Variants in LTA4H observed in about 807,000 individuals in gnomAD.
LTA4H encodes leukotriene A-4 hydrolase.
LTA4H carries 59 observed loss-of-function variants against 89.8 expected under a neutral mutation model. The ratio of observed to expected loss-of-function variants is 0.66; its 90% CI spans 0.53 to 0.82. LTA4H has a LOEUF of 0.82. Among genes scored for constraint, LTA4H ranks in the 40% least tolerant of loss-of-function variants. The pLI is 0.00. For missense variants in LTA4H, 617 were observed against 727.0 expected, an observed-to-expected ratio of 0.85 and a Z score of 1.74; for synonymous variants, 227 against 253.1, an observed-to-expected ratio of 0.90 and a Z score of 0.98.
chr12:96,034,357 T>C (rs1037319808), intron 1 of LTA4H, among the ~76,000 whole-genome samples: 3 of 152,188 alleles, frequency 2.0e-5, no homozygotes, highest in African/African-American at 4.8e-5. Flanking sequence ...CCAAATACTA[T>C]TGGGCAATTT....
intron 1 of LTA4H, among the ~76,000 whole-genome samples, chr12:96,031,653 G>T (rs1950574877): frequency 6.6e-6 from 1 of 152,162 alleles, no homozygotes; most frequent in African/African-American, 2.4e-5. Context: ...ACATGGAATA[G>T]GTATCTGATT....
At chr12:96,024,602 A>C in intron 3 of LTA4H, 55 bp from the exon 4 acceptor site, 1 of 1,097,962 alleles carries the variant, frequency 9.1e-7, no homozygotes, top group Non-Finnish European at 1.4e-6. Flanking sequence ...ATAAGTCATT[A>C]AGAAATCATT....
intron 10 of LTA4H, 40 bp from the exon 11 acceptor site, chr12:96,015,734 G>T: frequency 8.2e-7 from 1 of 1,212,964 alleles, no homozygotes; most frequent in Non-Finnish European, 1.2e-6. Flanking sequence ...GGACACAGCT[G>T]AGAAGAAAAG....
At chr12:96,036,041 A>T (rs924714503), upstream of LTA4H, among the ~76,000 whole-genome samples, 1 of 152,172 alleles carries the variant, frequency 6.6e-6, no homozygotes, top group African/African-American at 2.4e-5. Context: ...TATAGTGGTG[A>T]GTATCCCCGC....
intron 2 of LTA4H, 149 bp from the exon 3 acceptor site, chr12:96,027,713 T>C: frequency 2.3e-6 from 1 of 432,332 alleles, no homozygotes; most frequent in Admixed American, 4.5e-5. Flanking sequence ...ACATCCTCAG[T>C]GGGTAAGTCT....
chr12:96,009,184 C>T (rs142257520), intron 14 of LTA4H, 36 bp from the exon 15 acceptor site: 89 of 1,447,522 alleles, frequency 6.1e-5, no homozygotes, highest in Admixed American at 2.2e-4. Flanking sequence ...TAAAAATGCA[C>T]GTGCTTTTGC....
At position 96,022,115 on chromosome 12, in the gene LTA4H, T is replaced by C. The variant is rs1299813124; in HGVS notation, c.585+32A>G. 2 of 1,503,294 alleles carry C rather than the reference T, an allele frequency of 1.3e-6. No homozygotes were observed. Among genetic ancestry groups the C allele is most frequent in the Admixed American group, 3.4e-5 (2 of 58,878 alleles). 93.1% of individuals were successfully genotyped at this position (1,503,294 alleles called of 1,614,324 possible). ...CAAGCTAACTGTAGTTTACCGCCAA[T>C]GAAAACAAAAATCTAGACCCTAGGA... On this transcript the variant is annotated intron_variant, in intron 5 of 18. Transcript: ENST00000228740. The surrounding 1 kb of genome is among the most constrained non-coding windows in gnomAD (Gnocchi z 4.0).
At chr12:96,012,718 A>C (rs1417812716) in intron 14 of LTA4H, 1 of 155,416 alleles carries the variant, frequency 6.4e-6, no homozygotes, top group Non-Finnish European at 1.4e-5. Context: ...TTCTAAAAAA[A>C]AAGAAGGAAG....
At position 96,024,541 on chromosome 12, in the gene LTA4H, G is replaced by A. The variant is rs1353923584; in HGVS notation, c.418C>T (p.His140Tyr). ...PYLFSQCQAI[H>Y]CRAILPCQDT... ...TGACAAGGAAGGATTGCTCTGCAGT[G>A]GATGGCCTGAAAAAGGGAGAAACAA... Residue 140 changes from histidine to tyrosine, a missense_variant, in exon 4 of 19, where the codon CAC becomes TAC. His to Tyr is a moderately conservative substitution (Grantham distance 83). Transcript: ENST00000228740. 3 of 1,608,176 alleles carry A rather than the reference G, an allele frequency of 1.9e-6. No homozygotes were observed. Among genetic ancestry groups the A allele is most frequent in the Non-Finnish European group, 1.7e-6 (2 of 1,175,136 alleles).
Position 96,035,575 on chromosome 12 carries a change from C to A in LTA4H, c.-56G>T. ...TACAGCCCAACGCTCAGCTACCAGA[C>A]TCGTCGATAGAGAACCTGAGGAGGA... On this transcript the variant is annotated 5_prime_UTR_variant, in exon 1 of 19. Transcript: ENST00000228740. 6.5e-7 allele frequency: 1 copy of A among 1,533,826 alleles called. No individual in the cohort carries two copies. The highest frequency in any genetic ancestry group is 8.8e-7 in the Non-Finnish European group (1 of 1,131,388).
At chr12:96,011,929 A>G (rs1950307326) in intron 14 of LTA4H, 1 of 152,212 alleles carries the variant, frequency 6.6e-6, no homozygotes, top group South Asian at 2.1e-4. Context: ...AAAAAAATCT[A>G]AAGTATTATT....
At chr12:96,034,206 T>C (rs1950608578) in intron 1 of LTA4H, among the ~76,000 whole-genome samples, 1 of 152,230 alleles carries the variant, frequency 6.6e-6, no homozygotes, top group South Asian at 2.1e-4. Flanking sequence ...TTCACCATGC[T>C]ACACTGTGTA....
chr12:96,028,984 ATATT>A, intron 2 of LTA4H, 67 bp downstream of exon 2: 1 of 1,299,962 alleles, frequency 7.7e-7, no homozygotes, highest in Non-Finnish European at 1.0e-6. Context: ...AAAAGAAAAA[ATATT>A]TAAATTAGTT....
intron 10 of LTA4H, among the ~76,000 whole-genome samples, chr12:96,016,516 A>C (rs975747294): frequency 3.3e-5 from 5 of 151,258 alleles, no homozygotes; most frequent in Non-Finnish European, 7.4e-5. Flanking sequence ...GAGGCTGAGG[A>C]GGGAGGATTG....
chr12:96,026,458 TTTGG>T (rs1950514126), intron 3 of LTA4H, among the ~76,000 whole-genome samples: 1 of 152,222 alleles, frequency 6.6e-6, no homozygotes. Context: ...TCTTGCCAAC[TTTGG>T]TTAATAGACA....
intron 3 of LTA4H, chr12:96,025,388 A>G (rs886865023): frequency 6.6e-6 from 1 of 152,258 alleles, no homozygotes; most frequent in African/African-American, 2.4e-5. Flanking sequence ...TGACACTTCA[A>G]TCTTGCAGCA....
chr12:96,035,436 GA>G lies in LTA4H; in HGVS notation c.83del (p.Val28AlafsTer8). 6.2e-7 allele frequency: 1 copy of G among 1,610,292 alleles called. No homozygotes were observed. Among genetic ancestry groups the G allele is most frequent in the South Asian group, 1.1e-5 (1 of 90,224 alleles). ...CGGTCAGCGTCCGGCGAGTAAAGTC[GA>G]CGCTGCAGCGCAGGTGCAGGTGCTT... ...RTKHLHLRCS[V>X]DFTRRTLTGT... On this transcript the variant is annotated frameshift_variant, in exon 1 of 19. Coordinates refer to ENST00000228740, the MANE Select transcript of LTA4H (RefSeq NM_000895.3). LOFTEE classifies it high-confidence loss of function.
At chr12:96,040,215 G>C (rs989444583), upstream of LTA4H, among the ~76,000 whole-genome samples, 42 of 152,192 alleles carry the variant, frequency 2.8e-4, no homozygotes, top group African/African-American at 9.9e-4. Context: ...GTAGAGATGT[G>C]TTTGGGAAAG....
chr12:96,032,912 A>T (rs975237989), intron 1 of LTA4H, among the ~76,000 whole-genome samples: 1 of 152,190 alleles, frequency 6.6e-6, no homozygotes, highest in African/African-American at 2.4e-5. Context: ...ATGAGAACAC[A>T]TGGATACACA....
Sources: allele counts gnomAD v4.1 joint callset (sites outside exome capture counted in the v4.1 genomes callset), GRCh38; gene constraint gnomAD v4.1.1; non-coding constraint Gnocchi (gnomAD v3.1); transcripts MANE v1.5; gene names NCBI Gene and HGNC (gene_info 2026-07-23, HGNC 2026-07-21).